Variants in ATRNL1 observed in about 807,000 individuals in gnomAD.
ATRNL1 encodes attractin-like protein 1.
In ATRNL1, 95 loss-of-function variants were observed where a neutral mutation model predicts 182.7. The ratio of observed to expected loss-of-function variants is 0.52; its 90% confidence interval spans 0.44 to 0.62. The LOEUF (loss-of-function observed/expected upper bound fraction) is 0.62, where lower values mean the gene tolerates loss of function less well. Ranked by LOEUF, ATRNL1 falls within the 20% of genes least tolerant of loss-of-function variation. The pLI is 0.00. For missense variants in ATRNL1, 1,471 were observed against 1,679.5 expected, an observed-to-expected ratio of 0.88 and a Z score of 2.17; for synonymous variants, 576 against 568.3, an observed-to-expected ratio of 1.01 and a Z score of -0.19.
In ATRNL1 at chr10:115,201,214, T is replaced by C. The variant is rs1243633392; in HGVS notation, c.1349-14483T>C. ...ACTCTGATGGTAGTTTCTTTTGCTG[T>C]GCAGAAGCTCTTTAGTTTAATGAGA... On this transcript the variant is annotated intron_variant, in intron 8 of 28. Transcript: ENST00000355044. 1.1e-3 allele frequency among the ~76,000 whole-genome samples: 163 copies of C among 152,088 alleles called. 2 individuals carry two copies. The highest frequency in any genetic ancestry group is 3.1e-3 in the African/African-American group (128 of 41,518).
intron 3 of ATRNL1, among the ~76,000 whole-genome samples, chr10:115,125,117 G>A (rs757361999): frequency 3.9e-5 from 6 of 152,160 alleles, no homozygotes; most frequent in Non-Finnish European, 8.8e-5. Context: ...TAACTTGATT[G>A]TAGGAACTGT....
chr10:115,561,232 C>T (rs782471988), intron 26 of ATRNL1, among the ~76,000 whole-genome samples: 1 of 152,132 alleles, frequency 6.6e-6, no homozygotes, highest in Non-Finnish European at 1.5e-5. Context: ...AACACTTTTG[C>T]ATATCATATA....
At chr10:115,407,872 T>C (rs1844909339) in intron 20 of ATRNL1, among the ~76,000 whole-genome samples, 1 of 152,118 alleles carries the variant, frequency 6.6e-6, no homozygotes, top group Non-Finnish European at 1.5e-5. Flanking sequence ...AGTTCCTTTT[T>C]ACCACATCCC....
At chr10:115,911,659 T>C (rs1188186950) in intron 28 of ATRNL1, among the ~76,000 whole-genome samples, 2 of 152,196 alleles carry the variant, frequency 1.3e-5, no homozygotes, top group Non-Finnish European at 2.9e-5. Flanking sequence ...ATTTCATCAG[T>C]TGAGGCAATT....
intron 19 of ATRNL1, among the ~76,000 whole-genome samples, chr10:115,372,401 T>C (rs555091337): frequency 6.6e-6 from 1 of 152,214 alleles, no homozygotes. Context: ...TTTTTTTGTC[T>C]ATTTTTAAGC....
At chr10:115,099,686 A>G (rs1554864108) in intron 1 of ATRNL1, among the ~76,000 whole-genome samples, 1 of 152,202 alleles carries the variant, frequency 6.6e-6, no homozygotes, top group Non-Finnish European at 1.5e-5. Context: ...CGAATTACTA[A>G]TGATATTGAG....
At chr10:115,874,361 C>A (rs113520318) in intron 28 of ATRNL1, among the ~76,000 whole-genome samples, 2 of 152,212 alleles carry the variant, frequency 1.3e-5, no homozygotes, top group Non-Finnish European at 2.9e-5. Flanking sequence ...GATAGCATCA[C>A]CTACTGGTAA....
chr10:115,632,061 G>A (rs782677955), intron 26 of ATRNL1, among the ~76,000 whole-genome samples: 45 of 152,080 alleles, frequency 3.0e-4, no homozygotes, highest in Non-Finnish European at 5.9e-4. Context: ...TTTTAGTTAT[G>A]CATCCTTGTA....
intron 27 of ATRNL1, among the ~76,000 whole-genome samples, chr10:115,731,493 A>G (rs1299283039): frequency 1.3e-5 from 2 of 151,970 alleles, no homozygotes; most frequent in East Asian, 1.9e-4. Flanking sequence ...TTTCTTTTGT[A>G]TGACTTTTTG....
chr10:115,094,082 C>A (rs1246352415), intron 1 of ATRNL1, 39 bp downstream of exon 1: 34 of 1,354,082 alleles, frequency 2.5e-5, no homozygotes, highest in Non-Finnish European at 3.1e-5. Flanking sequence ...CCAGCCCTGC[C>A]TCGCTCCCGT....
At chr10:115,467,055 A>G in intron 22 of ATRNL1, 119 bp from the exon 23 acceptor site, 1 of 609,168 alleles carries the variant, frequency 1.6e-6, no homozygotes, top group Admixed American at 3.3e-5. Context: ...ATTCAGTTGA[A>G]TATTTACAAA....
In ATRNL1 at chr10:115,213,766, A is replaced by G. The variant is rs1849119271; in HGVS notation, c.1349-1931A>G. On this transcript the variant is annotated intron_variant, in intron 8 of 28. Coordinates refer to ENST00000355044, the MANE Select transcript of ATRNL1 (RefSeq NM_207303.4). ...GCAATAATATAACCCTCCAAAGATTATTATTAAATGAGATAATGAGATAGT... is the reference window on the plus strand; with the variant it reads ...GCAATAATATAACCCTCCAAAGATTGTTATTAAATGAGATAATGAGATAGT... Among the ~76,000 whole-genome samples the G allele has an allele frequency of 3.9e-5, 6 of 152,146 alleles. No homozygotes were observed. In the South Asian group the frequency reaches 6.2e-4, roughly 16 times the overall value.
intron 24 of ATRNL1, among the ~76,000 whole-genome samples, chr10:115,483,253 GA>G (rs1242748390): frequency 4.6e-5 from 7 of 151,204 alleles, no homozygotes; most frequent in Non-Finnish European, 1.0e-4. Context: ...TTTATATAAT[GA>G]AAGAAGTCAC....
intron 21 of ATRNL1, among the ~76,000 whole-genome samples, chr10:115,427,681 C>G (rs1008029028): frequency 3.3e-5 from 5 of 152,182 alleles, no homozygotes; most frequent in Admixed American, 3.3e-4. Context: ...TATGTGAAGA[C>G]TATACTTTAA....
chr10:115,815,304 C>T (rs1323220895), intron 27 of ATRNL1, among the ~76,000 whole-genome samples: 4 of 151,892 alleles, frequency 2.6e-5, no homozygotes, highest in African/African-American at 9.7e-5. Flanking sequence ...AATTAATAGA[C>T]CTATTCTGTT....
At chr10:115,541,126 A>C (rs1345805796) in intron 25 of ATRNL1, among the ~76,000 whole-genome samples, 2 of 152,242 alleles carry the variant, frequency 1.3e-5, no homozygotes, top group Non-Finnish European at 2.9e-5. Context: ...ATGACGAGTC[A>C]AGTCACACAG....
chr10:115,574,748 A>C (rs978146295), intron 26 of ATRNL1, among the ~76,000 whole-genome samples: 1 of 152,224 alleles, frequency 6.6e-6, no homozygotes, highest in African/African-American at 2.4e-5. Context: ...AGGTTTGCTC[A>C]GCCCTGTTAT....
chr10:115,466,723 G>A (rs1173303473), intron 22 of ATRNL1, among the ~76,000 whole-genome samples: 2 of 150,906 alleles, frequency 1.3e-5, no homozygotes, highest in Non-Finnish European at 3.0e-5. Context: ...TAGAAAATAT[G>A]GGTTTAATAA....
intron 24 of ATRNL1, among the ~76,000 whole-genome samples, chr10:115,489,655 A>C (rs572808050): frequency 6.6e-6 from 1 of 152,242 alleles, no homozygotes; most frequent in South Asian, 2.1e-4. Flanking sequence ...AATACAGCAC[A>C]CTGATGGGTC....
Sources: gnomAD v4.1 joint callset for allele counts (sites outside exome capture counted in the v4.1 genomes callset) on GRCh38, gnomAD v4.1.1 for gene constraint, MANE v1.5 for transcripts, NCBI Gene and HGNC (gene_info 2026-07-23, HGNC 2026-07-21) for gene names.